The following WDPCP variants were observed in gnomAD, a reference collection of about 807,000 sequenced individuals.
WDPCP encodes the protein WD repeat-containing and planar cell polarity effector protein fritz homolog.
WDPCP carries 71 observed loss-of-function variants against 93.1 expected under a neutral mutation model. The observed-to-expected ratio is 0.76, with a 90% CI of 0.63 to 0.93. The LOEUF (loss-of-function observed/expected upper bound fraction) is 0.93. Among genes scored for constraint, WDPCP ranks in the 40% least tolerant of loss-of-function variants. The pLI, the probability that WDPCP is intolerant of heterozygous loss-of-function variation, is 0.00. For synonymous variants in WDPCP, 315 were observed against 315.0 expected (o/e 1.00, Z 0.00); for missense variants, 844 against 887.4 (o/e 0.95, Z 0.62).
upstream of WDPCP, among the ~76,000 whole-genome samples, chr2:63,831,493 T>A (rs989702454): frequency 7.2e-5 from 11 of 152,222 alleles, no homozygotes; most frequent in African/African-American, 2.7e-4. Context: ...TCTTTGTCAA[T>A]ACACACTGCC....
At chr2:63,802,624 T>A (rs375497439) in intron 2 of WDPCP, among the ~76,000 whole-genome samples, 7 of 152,308 alleles carry the variant, frequency 4.6e-5, no homozygotes, top group African/African-American at 1.7e-4. Context: ...ATGATTTTTT[T>A]AATTGCATAG....
At chr2:63,488,777 C>T (rs1161688214) in intron 2 of WDPCP, among the ~76,000 whole-genome samples, 1 of 151,952 alleles carries the variant, frequency 6.6e-6, no homozygotes. Flanking sequence ...ACTCATCATT[C>T]CATACATCCA....
intron 13 of WDPCP, 68 bp downstream of exon 13, chr2:63,313,180 A>T: frequency 6.9e-7 from 1 of 1,442,968 alleles, no homozygotes; most frequent in Non-Finnish European, 9.7e-7. Flanking sequence ...AATCCTTTTT[A>T]TGGTCACAAA....
At chr2:63,703,657 A>G (rs1669099464) in intron 2 of WDPCP, among the ~76,000 whole-genome samples, 1 of 151,924 alleles carries the variant, frequency 6.6e-6, no homozygotes, top group Non-Finnish European at 1.5e-5. Context: ...CCATGGGTCT[A>G]TATCTCTGTT....
At chr2:63,588,981 A>T (rs556625759), upstream of WDPCP, 1 of 1,612,558 alleles carries the variant, frequency 6.2e-7, no homozygotes, top group East Asian at 2.2e-5. Flanking sequence ...TCCGCGGTAG[A>T]GGTGACCTGA....
chr2:63,646,378 T>C (rs371431180), intron 3 of WDPCP, among the ~76,000 whole-genome samples: 1 of 152,198 alleles, frequency 6.6e-6, no homozygotes, highest in Non-Finnish European at 1.5e-5. Context: ...TAAGTTGTCA[T>C]AGTTACAATT....
At chr2:63,820,243 C>T (rs984609878) in intron 1 of WDPCP, among the ~76,000 whole-genome samples, 2 of 152,046 alleles carry the variant, frequency 1.3e-5, no homozygotes, top group Admixed American at 1.3e-4. Flanking sequence ...TAGTTAGGAA[C>T]ATTTTAATGT....
chr2:63,369,852 T>A (rs897868166), intron 12 of WDPCP, among the ~76,000 whole-genome samples: 1 of 152,164 alleles, frequency 6.6e-6, no homozygotes, highest in African/African-American at 2.4e-5. Context: ...CAAAATACCA[T>A]TCATAATTTA....
At chr2:63,175,371 C>T (rs1559175621) in intron 14 of WDPCP, among the ~76,000 whole-genome samples, 1 of 151,614 alleles carries the variant, frequency 6.6e-6, no homozygotes, top group African/African-American at 2.4e-5. Flanking sequence ...CATAATGAAG[C>T]TGTGAAAAAT....
At chr2:63,566,049 A>T (rs1707024029) in intron 1 of WDPCP, among the ~76,000 whole-genome samples, 1 of 152,198 alleles carries the variant, frequency 6.6e-6, no homozygotes. Flanking sequence ...TATAAAATGG[A>T]TCCTTCTCTT....
intron 12 of WDPCP, among the ~76,000 whole-genome samples, chr2:63,317,109 G>A (rs1212695390): frequency 1.3e-5 from 2 of 152,064 alleles, no homozygotes; most frequent in African/African-American, 4.8e-5. Flanking sequence ...CCGTTAAAAT[G>A]GCCATACTAC....
intron 10 of WDPCP, among the ~76,000 whole-genome samples, chr2:63,402,524 G>A (rs1694233985): frequency 6.6e-6 from 1 of 152,132 alleles, no homozygotes; most frequent in South Asian, 2.1e-4. Flanking sequence ...GACATGAACA[G>A]ACACTTCTCA....
At chr2:63,308,809 G>A (rs756773382) in intron 13 of WDPCP, among the ~76,000 whole-genome samples, 3 of 152,122 alleles carry the variant, frequency 2.0e-5, no homozygotes, top group Non-Finnish European at 4.4e-5. Context: ...GGGTTGATGG[G>A]TGCAGAAAAC....
At chr2:63,785,918 T>C (rs949248601) in intron 2 of WDPCP, among the ~76,000 whole-genome samples, 1 of 152,218 alleles carries the variant, frequency 6.6e-6, no homozygotes, top group Admixed American at 6.6e-5. Flanking sequence ...TTTGGTAGCA[T>C]AGCTTCATGT....
chr2:63,354,372 A>G (rs13032049), intron 12 of WDPCP, among the ~76,000 whole-genome samples: 34,938 of 152,118 alleles, frequency 0.23, 5,019 homozygotes, highest in Admixed American at 0.36. Flanking sequence ...CAAGTTGGGG[A>G]AGGAACATAA....
At chr2:63,243,680 C>A (rs1409203575) in intron 14 of WDPCP, among the ~76,000 whole-genome samples, 1 of 151,880 alleles carries the variant, frequency 6.6e-6, no homozygotes, top group African/African-American at 2.4e-5. Context: ...GTATATACAC[C>A]CAACACTGGA....
intron 2 of WDPCP, among the ~76,000 whole-genome samples, chr2:63,795,602 AAAAG>A (rs770069720): frequency 3.0e-4 from 45 of 151,954 alleles, no homozygotes; most frequent in African/African-American, 7.7e-4. Context: ...AGAAAGAAAG[AAAAG>A]AAAGAAAGAA....
chr2:63,747,651 C>A lies in WDPCP; in HGVS notation n.308+65971G>T, dbSNP rs990868959. Among the ~76,000 whole-genome samples, 8 of 152,100 alleles carry A rather than the reference C, an allele frequency of 5.3e-5. No homozygotes were observed. In the South Asian group the frequency reaches 1.0e-3, roughly 20 times the overall value. On this transcript the variant is annotated intron_variant and non_coding_transcript_variant, in intron 2 of 4. Coordinates refer to the WDPCP transcript ENST00000467687. ...TCCATAGATCTATTTGTCTATCCAG[C>A]ACTAATACTGTACTATCTTAAGAAC... is the stretch of plus-strand genomic sequence containing the variant.
intron 13 of WDPCP, among the ~76,000 whole-genome samples, chr2:63,312,449 CTTAAT>C (rs1012859741): frequency 3.3e-5 from 5 of 152,100 alleles, no homozygotes; most frequent in African/African-American, 1.2e-4. Context: ...AACATCAAAG[CTTAAT>C]TTAAACTACA....
Sources: gnomAD v4.1 joint callset for allele counts (sites outside exome capture counted in the v4.1 genomes callset) on GRCh38, gnomAD v4.1.1 for gene constraint, MANE v1.5 for transcripts, NCBI Gene and HGNC (gene_info 2026-07-23, HGNC 2026-07-21) for gene names.